COL2A1: variants seen among roughly 807,000 people sequenced by gnomAD.
The protein encoded by COL2A1 is collagen alpha-1(II) chain.
A neutral mutation model predicts 204.5 loss-of-function variants in COL2A1; 28 were observed. The ratio of observed to expected loss-of-function variants is 0.14; its 90% CI spans 0.10 to 0.19. COL2A1 has a LOEUF of 0.19. Among genes scored for constraint, COL2A1 ranks in the 10% least tolerant of loss-of-function variants. The probability of loss-of-function intolerance (pLI) is 1.00; values close to 1 mark genes in which losing one functional copy is unlikely to be tolerated. For missense variants in COL2A1, 1,388 were observed against 2,027.5 expected, an observed-to-expected ratio of 0.68 and a Z score of 6.06; for synonymous variants, 708 against 718.7, an observed-to-expected ratio of 0.99 and a Z score of 0.24.
chr12:47,978,222 G>T lies in COL2A1; in HGVS notation c.3003+69C>A. 1 of 1,591,164 alleles carries T rather than the reference G, an allele frequency of 6.3e-7. No homozygotes were observed. The highest frequency in any genetic ancestry group is 8.6e-7 in the Non-Finnish European group (1 of 1,163,536). On this transcript the variant is annotated intron_variant, in intron 43 of 53. Coordinates refer to ENST00000380518, the MANE Select transcript of COL2A1 (RefSeq NM_001844.5). The surrounding 1 kb of genome is among the most constrained non-coding windows in gnomAD (Gnocchi z 5.5). ...GCAGACAAGGGACAGTCCTGAGGGT[G>T]CTGAGGGAGGTAGAAGCCTTGGCAG...
chr12:47,997,673 G>T lies in COL2A1; in HGVS notation c.464C>A (p.Pro155His), dbSNP rs1049950456. The T allele has an allele frequency of 1.2e-6, 2 of 1,613,994 alleles. No homozygotes were observed. The highest frequency in any genetic ancestry group is 1.3e-5 in the African/African-American group (1 of 74,920). The change falls in exon 7 of 54, where the codon CCT becomes CAT. Residue 155 changes from proline (P) to histidine (H), a missense_variant. Pro to His is a moderately conservative substitution (Grantham distance 77, BLOSUM62 -2). Around this residue, in one of 3 missense-constraint regions of COL2A1, gnomAD observed 201 missense variants for 242.4 expected, o/e 0.83. Transcript: ENST00000380518. ...APGPRGRDGE[P>H]GTPGNPGPPG... ...GGGGCCAGGATTTCCAGGGGTCCCA[G>T]GTTCTCCATCTCTGCCACGAGGTCC...
chr12:47,976,794 G>T lies in COL2A1; in HGVS notation c.3435+18C>A, dbSNP rs375024988. On this transcript the variant is annotated intron_variant, in intron 48 of 53. Transcript: ENST00000380518. This position sits in a 1 kb window ranked among gnomAD's most constrained non-coding sequence, Gnocchi z 4.3. ...GGCAGGAGGCCTCGGGAAGTCCCAC[G>T]CAGGCAGTGACACTCACAGGAGGGC... The T allele has an allele frequency of 3.3e-5, 53 of 1,603,242 alleles. No homozygotes were observed. The highest frequency in any genetic ancestry group is 4.3e-5 in the Non-Finnish European group (51 of 1,172,774).
chr12:47,984,700 G>T, intron 27 of COL2A1, 101 bp from the exon 28 acceptor site: 1 of 1,133,474 alleles, frequency 8.8e-7, no homozygotes, highest in Non-Finnish European at 1.3e-6. Context: ...CATCCTGATG[G>T]ACAGCCAAGA....
At chr12:47,973,727 A>G (rs1592193448) in intron 53 of COL2A1, among the ~76,000 whole-genome samples, 174 bp from the exon 54 acceptor site, 2 of 150,664 alleles carry the variant, frequency 1.3e-5, no homozygotes, top group Non-Finnish European at 3.0e-5. Flanking sequence ...CTCCACTTCA[A>G]CTCCTATCCT....
At chr12:48,004,039 A>AC (rs1255523081) in intron 1 of COL2A1, 198 bp downstream of exon 1, 1 of 584,972 alleles carries the variant, frequency 1.7e-6, no homozygotes, top group Non-Finnish European at 3.1e-6. Context: ...GGCACCGAGG[A>AC]CCCTGGGACA....
chr12:47,990,764 T>C (rs1030248343), intron 16 of COL2A1, among the ~76,000 whole-genome samples: 22 of 147,600 alleles, frequency 1.5e-4, no homozygotes, highest in Admixed American at 1.1e-3. Flanking sequence ...AGGGGGAGGG[T>C]TTTTTCTGCC....
intron 1 of COL2A1, among the ~76,000 whole-genome samples, chr12:48,001,845 A>G (rs1469644250): frequency 1.3e-5 from 2 of 152,338 alleles, no homozygotes; most frequent in South Asian, 4.1e-4. Flanking sequence ...GGCTGCCGAT[A>G]GCATCCCGGC....
Position 47,973,213 on chromosome 12 carries a change from A to AT in COL2A1, c.*193dup, listed in dbSNP as rs1365480155. On this transcript the variant is annotated 3_prime_UTR_variant, in exon 54 of 54. Transcript: ENST00000380518. ...GACAATAAATAAATAGAACACCGAG[A>AT]TTTTATTTTGCAGTCTGCCCAGTTC... 1.4e-6 allele frequency: 1 copy of AT among 704,236 alleles called. No homozygotes were observed. The highest frequency in any genetic ancestry group is 1.8e-5 in the African/African-American group (1 of 56,318). 43.6% of individuals were successfully genotyped at this position (704,236 alleles called of 1,614,324 possible). A position where few individuals can be genotyped will look rare whatever the true frequency, so the allele number is the denominator to read the frequency against.
intron 30 of COL2A1, 107 bp downstream of exon 30, chr12:47,983,576 G>A (rs762641901): frequency 2.8e-6 from 4 of 1,441,982 alleles, no homozygotes; most frequent in African/African-American, 1.4e-5. Context: ...CTCGATGCCT[G>A]GCACCCTGCA....
rs763352763 is a variant in COL2A1, at chr12:47,973,457, C to T, written c.4414G>A (p.Gly1472Arg). The change falls in exon 54 of 54, where the codon GGG becomes AGG. Residue 1472 changes from glycine to arginine, a missense_variant. Around this residue, in one of 3 missense-constraint regions of COL2A1, gnomAD observed 303 missense variants for 369.2 expected, o/e 0.82. Transcript: ENST00000380518. ...TCCACACCGAATTCCTGCTCGGGCC[C>T]TCCTATGTCCATGGGTGCAATGTCA... ...IIDIAPMDIG[G>R]PEQEFGVDIG... 2 of 1,614,080 alleles carry T rather than the reference C, an allele frequency of 1.2e-6. No homozygotes were observed. Among genetic ancestry groups the T allele is most frequent in the East Asian group, 2.2e-5 (1 of 44,884 alleles).
Position 47,976,857 on chromosome 12 carries a change from C to T in COL2A1, c.3390G>A (p.Lys1130=). ...GCAGACCAGTGAAGCCACGGTGTCC[C>T]TTCAGGCCTCTCTCGCCAGGCTCTC... ...EAGEPGERGL[K]GHRGFTGLQG... The change falls in exon 48 of 54, where the codon AAG becomes AAA. Residue 1130 remains lysine (K), a synonymous_variant. Transcript: ENST00000380518. This position sits in a 1 kb window ranked among gnomAD's most constrained non-coding sequence, Gnocchi z 4.3. 6.2e-7 allele frequency: 1 copy of T among 1,613,238 alleles called. No individual in the cohort carries two copies. Among genetic ancestry groups the T allele is most frequent in the Non-Finnish European group, 8.5e-7 (1 of 1,179,730 alleles).
chr12:47,989,319 C>T, intron 17 of COL2A1, 38 bp from the exon 18 acceptor site: 1 of 1,583,922 alleles, frequency 6.3e-7, no homozygotes, highest in Non-Finnish European at 8.6e-7. Context: ...AGGTGAATGC[C>T]AGTTCTGGCC....
chr12:47,983,233 G>A, intron 31 of COL2A1, 96 bp from the exon 32 acceptor site: 1 of 1,513,502 alleles, frequency 6.6e-7, no homozygotes, highest in East Asian at 2.4e-5. Flanking sequence ...TCCTCCCATG[G>A]GGGATTGTGT....
In COL2A1 at chr12:47,987,803, G is replaced by A. The variant is rs1001195911; in HGVS notation, c.1123-94C>T. 1 of 946,042 alleles carries A rather than the reference G, an allele frequency of 1.1e-6. No homozygotes were observed. 58.6% of individuals were successfully genotyped at this position (946,042 alleles called of 1,614,324 possible). A position where few individuals can be genotyped will look rare whatever the true frequency, so the allele number is the denominator to read the frequency against. On this transcript the variant is annotated intron_variant, in intron 18 of 53. Transcript: ENST00000380518. The surrounding 1 kb of genome is among the most constrained non-coding windows in gnomAD (Gnocchi z 4.1). ...TAGCTCAGGGCCAGCTGCAAGCACA[G>A]CACTAAATTATGCACATGCACCCAA...
chr12:47,990,983 G>A (rs190487531), intron 16 of COL2A1, among the ~76,000 whole-genome samples: 2 of 152,330 alleles, frequency 1.3e-5, no homozygotes, highest in Admixed American at 1.3e-4. Flanking sequence ...GGGGGAGCTC[G>A]TGTTTTAAAT....
intron 47 of COL2A1, 87 bp downstream of exon 47, chr12:47,977,015 G>T: frequency 2.6e-6 from 4 of 1,542,686 alleles, no homozygotes; most frequent in Non-Finnish European, 3.5e-6. Context: ...GAAACACAGG[G>T]CTGGAGGCCC....
intron 35 of COL2A1, 123 bp from the exon 36 acceptor site, chr12:47,981,952 C>T (rs1179752470): frequency 1.5e-6 from 2 of 1,307,866 alleles, no homozygotes; most frequent in Non-Finnish European, 2.2e-6. Flanking sequence ...TACCCTCTGG[C>T]CCCATTTTAA....
At chr12:47,994,398 C>A (rs774066526) in intron 12 of COL2A1, 26 bp downstream of exon 12, 2 of 1,613,940 alleles carry the variant, frequency 1.2e-6, no homozygotes, top group Non-Finnish European at 1.7e-6. Context: ...GGAAAGATGC[C>A]TGAGGCTGGG....
intron 26 of COL2A1, 149 bp downstream of exon 26, chr12:47,985,385 G>A (rs1939337484): frequency 3.5e-6 from 3 of 852,938 alleles, no homozygotes; most frequent in African/African-American, 1.7e-5. Flanking sequence ...GGTTACATCT[G>A]GCCCCAGTGC....
Sources: gnomAD v4.1 joint callset for allele counts (sites outside exome capture counted in the v4.1 genomes callset) on GRCh38, gnomAD v4.1.1 for gene constraint, gnomAD v4.1.1 regional missense constraint, Gnocchi (gnomAD v3.1) non-coding constraint, MANE v1.5 for transcripts, NCBI Gene and HGNC (gene_info 2026-07-23, HGNC 2026-07-21) for gene names.